The following EPHA3 variants were observed in gnomAD, a reference collection of about 807,000 sequenced individuals.
The protein encoded by EPHA3 is EPH receptor A3.
EPHA3 carries 42 observed loss-of-function variants against 107.1 expected under a neutral mutation model. That is an observed-to-expected ratio of 0.39 (90% CI 0.31 to 0.51). The LOEUF (loss-of-function observed/expected upper bound fraction) is 0.51, where lower values mean the gene tolerates loss of function less well. EPHA3 is among the 20% of genes least tolerant of loss of function. The probability of loss-of-function intolerance (pLI) is 0.78; values close to 1 mark genes in which losing one functional copy is unlikely to be tolerated. For missense variants in EPHA3, 1,183 were observed against 1,211.2 expected, an observed-to-expected ratio of 0.98 and a Z score of 0.35; for synonymous variants, 461 against 424.8, an observed-to-expected ratio of 1.09 and a Z score of -1.05.
At chr3:89,128,779 C>T (rs1167760982) in intron 2 of EPHA3, among the ~76,000 whole-genome samples, 1 of 151,262 alleles carries the variant, frequency 6.6e-6, no homozygotes. Context: ...AACAAGAAAT[C>T]ATCTTATATT....
intron 6 of EPHA3, among the ~76,000 whole-genome samples, chr3:89,397,245 A>C (rs114722152): frequency 0.011 from 1,721 of 152,300 alleles, 38 homozygotes; most frequent in African/African-American, 0.039. Flanking sequence ...TTCATTGTTC[A>C]AAAATTGTAG....
At chr3:89,437,531 T>G (rs1709697360) in intron 13 of EPHA3, among the ~76,000 whole-genome samples, 1 of 152,200 alleles carries the variant, frequency 6.6e-6, no homozygotes, top group Admixed American at 6.5e-5. Context: ...GTCTACTAAT[T>G]TACTTCATTC....
intron 15 of EPHA3, among the ~76,000 whole-genome samples, chr3:89,459,462 T>TTTCTCTCCTTCC (rs1185524044): frequency 2.0e-5 from 3 of 150,020 alleles, no homozygotes; most frequent in Admixed American, 6.6e-5. Context: ...TCTTCCCTTC[T>TTTCTCTCCTTCC]TTCTCTCCTT....
At chr3:89,284,541 A>G (rs772994887) in intron 3 of EPHA3, among the ~76,000 whole-genome samples, 16 of 152,128 alleles carry the variant, frequency 1.1e-4, no homozygotes, top group Non-Finnish European at 1.8e-4. Flanking sequence ...TATTTCCTCT[A>G]TGTAGAAAAT....
At chr3:89,276,653 A>T (rs1258039881) in intron 3 of EPHA3, among the ~76,000 whole-genome samples, 1 of 152,120 alleles carries the variant, frequency 6.6e-6, no homozygotes, top group African/African-American at 2.4e-5. Context: ...AAAATATGAA[A>T]TATGTTTGAC....
At chr3:89,411,695 C>A (rs769969315) in intron 9 of EPHA3, among the ~76,000 whole-genome samples, 10 of 151,844 alleles carry the variant, frequency 6.6e-5, no homozygotes, top group Non-Finnish European at 8.8e-5. Flanking sequence ...AAGAATTGAT[C>A]ATTTGTTAAC....
intron 5 of EPHA3, among the ~76,000 whole-genome samples, chr3:89,371,492 G>C (rs546390158): frequency 6.6e-6 from 1 of 151,772 alleles, no homozygotes; most frequent in African/African-American, 2.4e-5. Flanking sequence ...GATAAGAAAT[G>C]ATAGGACAAG....
chr3:89,113,681 G>T (rs1337327436), intron 1 of EPHA3, among the ~76,000 whole-genome samples: 1 of 151,710 alleles, frequency 6.6e-6, no homozygotes, highest in Non-Finnish European at 1.5e-5. Context: ...AAAACATCTG[G>T]CTAATCAATT....
intron 3 of EPHA3, among the ~76,000 whole-genome samples, chr3:89,231,052 C>T (rs560103465): frequency 6.6e-6 from 1 of 152,128 alleles, no homozygotes; most frequent in Non-Finnish European, 1.5e-5. Flanking sequence ...ATTTGTTATA[C>T]ATTACCCATC....
intron 3 of EPHA3, among the ~76,000 whole-genome samples, chr3:89,340,203 A>G (rs527703845): frequency 6.6e-6 from 1 of 152,368 alleles, no homozygotes; most frequent in South Asian, 2.1e-4. Flanking sequence ...AGATATGGCC[A>G]GAAATTAAAA....
intron 5 of EPHA3, among the ~76,000 whole-genome samples, chr3:89,353,548 G>A (rs1707878762): frequency 1.3e-5 from 2 of 151,218 alleles, no homozygotes; most frequent in Non-Finnish European, 3.0e-5. Flanking sequence ...CATCATGCTT[G>A]ACTGGCAATT....
chr3:89,338,591 C>G (rs888700975), intron 3 of EPHA3, among the ~76,000 whole-genome samples: 1 of 152,180 alleles, frequency 6.6e-6, no homozygotes, highest in African/African-American at 2.4e-5. Context: ...CTCTGTCGCC[C>G]AGGCCGGACT....
chr3:89,242,083 G>T (rs1420747140), intron 3 of EPHA3, among the ~76,000 whole-genome samples: 1 of 152,126 alleles, frequency 6.6e-6, no homozygotes, highest in South Asian at 2.1e-4. Context: ...AATCAATGAG[G>T]ATATGAAAGG....
intron 3 of EPHA3, among the ~76,000 whole-genome samples, chr3:89,241,300 T>C (rs1704889425): frequency 6.6e-6 from 1 of 152,190 alleles, no homozygotes; most frequent in African/African-American, 2.4e-5. Flanking sequence ...AATCAGTAAA[T>C]CAGCCAATCA....
intron 2 of EPHA3, among the ~76,000 whole-genome samples, chr3:89,139,748 G>A (rs927442656): frequency 5.9e-5 from 9 of 151,664 alleles, no homozygotes; most frequent in African/African-American, 2.2e-4. Flanking sequence ...CTTGATGAAG[G>A]TCACGTCATT....
At chr3:89,391,335 A>AC (rs1708727410) in intron 5 of EPHA3, among the ~76,000 whole-genome samples, 1 of 147,598 alleles carries the variant, frequency 6.8e-6, no homozygotes, top group South Asian at 2.2e-4. Context: ...TGCATAAGCC[A>AC]CCCCTCCCTC....
intron 13 of EPHA3, among the ~76,000 whole-genome samples, chr3:89,439,129 A>G (rs1709732100): frequency 6.6e-6 from 1 of 152,350 alleles, no homozygotes; most frequent in South Asian, 2.1e-4. Flanking sequence ...ATGGGTTTGA[A>G]TGAAGGAGCA....
At chr3:89,357,194 G>T (rs938002352) in intron 5 of EPHA3, among the ~76,000 whole-genome samples, 1 of 138,430 alleles carries the variant, frequency 7.2e-6, no homozygotes, top group African/African-American at 2.7e-5. Context: ...GATACGGGAA[G>T]AAACCAGGTG....
At chr3:89,145,552 A>T (rs1704536777) in intron 2 of EPHA3, among the ~76,000 whole-genome samples, 1 of 151,690 alleles carries the variant, frequency 6.6e-6, no homozygotes, top group East Asian at 1.9e-4. Flanking sequence ...ATTTGTCTGA[A>T]TTTATAACAT....
Sources: allele counts gnomAD v4.1 joint callset (sites outside exome capture counted in the v4.1 genomes callset), GRCh38; gene constraint gnomAD v4.1.1; transcripts MANE v1.5; gene names NCBI Gene and HGNC (gene_info 2026-07-23, HGNC 2026-07-21).